Variants in SLC35F3 observed in about 807,000 individuals in gnomAD.
SLC35F3 encodes putative thiamine transporter SLC35F3.
In SLC35F3, 25 loss-of-function variants were observed where a neutral mutation model predicts 49.9. The ratio of observed to expected loss-of-function variants is 0.50; its 90% CI spans 0.37 to 0.70. The LOEUF is 0.70. Among genes scored for constraint, SLC35F3 ranks in the 30% least tolerant of loss-of-function variants. SLC35F3 has a pLI of 0.00. For missense variants in SLC35F3, 525 were observed against 639.8 expected, an observed-to-expected ratio of 0.82 and a Z score of 1.94; for synonymous variants, 275 against 265.4, an observed-to-expected ratio of 1.04 and a Z score of -0.35.
At chr1:233,998,017 G>T (rs888673594) in intron 2 of SLC35F3, among the ~76,000 whole-genome samples, 2 of 152,144 alleles carry the variant, frequency 1.3e-5, no homozygotes, top group Non-Finnish European at 2.9e-5. Flanking sequence ...CTCCCAAAGT[G>T]CTGGGATTAT....
chr1:234,218,290 C>T (rs1170350787), intron 2 of SLC35F3, among the ~76,000 whole-genome samples: 1 of 152,064 alleles, frequency 6.6e-6, no homozygotes, highest in Non-Finnish European at 1.5e-5. Context: ...CAATGAATTC[C>T]CCCAAGAGGC....
intron 2 of SLC35F3, among the ~76,000 whole-genome samples, chr1:234,140,002 A>AATAAAATAAAATAAAAAAATAAAATAAT: frequency 1.9e-5 from 2 of 105,368 alleles, no homozygotes; most frequent in Non-Finnish European, 4.7e-5. Flanking sequence ...AATAAAATAA[A>AATAAAATAAAATAAAAAAATAAAATAAT]GTAAGTGACT....
intron 2 of SLC35F3, among the ~76,000 whole-genome samples, chr1:234,135,908 G>A (rs1185555518): frequency 6.6e-6 from 1 of 152,224 alleles, no homozygotes; most frequent in East Asian, 1.9e-4. Flanking sequence ...GCCTTTTTAA[G>A]GAGGGCAGTC....
At chr1:234,090,355 T>G (rs1665024254) in intron 2 of SLC35F3, among the ~76,000 whole-genome samples, 1 of 152,276 alleles carries the variant, frequency 6.6e-6, no homozygotes, top group Admixed American at 6.5e-5. Flanking sequence ...TGTCACAGAT[T>G]GTTACGGACC....
At chr1:234,084,977 T>C (rs571073871) in intron 2 of SLC35F3, among the ~76,000 whole-genome samples, 1 of 152,346 alleles carries the variant, frequency 6.6e-6, no homozygotes, top group South Asian at 2.1e-4. Flanking sequence ...AGTACTGATG[T>C]GTGCTTTAAC....
At chr1:234,229,359 C>T (rs962751419) in intron 2 of SLC35F3, among the ~76,000 whole-genome samples, 1 of 152,086 alleles carries the variant, frequency 6.6e-6, no homozygotes, top group Non-Finnish European at 1.5e-5. Context: ...TGTTCATATT[C>T]CTTTGTTTTG....
At chr1:233,975,822 G>A (rs1663070432) in intron 2 of SLC35F3, among the ~76,000 whole-genome samples, 1 of 152,182 alleles carries the variant, frequency 6.6e-6, no homozygotes, top group African/African-American at 2.4e-5. Flanking sequence ...GGCAGGGGTG[G>A]AACTGGACAG....
chr1:234,200,700 A>G (rs1158353739), intron 2 of SLC35F3, among the ~76,000 whole-genome samples: 1 of 152,226 alleles, frequency 6.6e-6, no homozygotes, highest in East Asian at 1.9e-4. Flanking sequence ...AATCTTGTCC[A>G]AAGTTTAAAA....
intron 2 of SLC35F3, among the ~76,000 whole-genome samples, chr1:234,035,868 AGAGTCT>A (rs2102850562): frequency 6.6e-6 from 1 of 152,250 alleles, no homozygotes; most frequent in East Asian, 1.9e-4. Flanking sequence ...TTCTCCTTGA[AGAGTCT>A]GTTTCCACCA....
intron 7 of SLC35F3, among the ~76,000 whole-genome samples, chr1:234,322,273 C>T (rs1380058093): frequency 6.6e-6 from 1 of 151,760 alleles, no homozygotes; most frequent in Non-Finnish European, 1.5e-5. Flanking sequence ...TGAAAATCCA[C>T]ATACAACTTT....
intron 2 of SLC35F3, among the ~76,000 whole-genome samples, chr1:234,154,047 G>A (rs1241557800): frequency 6.6e-6 from 1 of 151,556 alleles, no homozygotes; most frequent in Non-Finnish European, 1.5e-5. Context: ...GGGCAACAGA[G>A]CGAGACTCCG....
chr1:234,168,978 A>G (rs1666358408), intron 2 of SLC35F3, among the ~76,000 whole-genome samples: 1 of 152,188 alleles, frequency 6.6e-6, no homozygotes, highest in South Asian at 2.1e-4. Flanking sequence ...TTTGGAAGCT[A>G]GAGTGCTAGG....
chr1:234,121,734 C>G (rs150548875), intron 2 of SLC35F3, among the ~76,000 whole-genome samples: 1 of 152,108 alleles, frequency 6.6e-6, no homozygotes, highest in Non-Finnish European at 1.5e-5. Context: ...CCCTGACAGG[C>G]CCCGGTGTGT....
At chr1:234,122,263 T>C (rs984026233) in intron 2 of SLC35F3, among the ~76,000 whole-genome samples, 2 of 152,260 alleles carry the variant, frequency 1.3e-5, no homozygotes, top group Admixed American at 1.3e-4. Flanking sequence ...AAAGCATTCA[T>C]GTGTTGTAAT....
chr1:234,231,605 C>A lies in SLC35F3; in HGVS notation c.472C>A (p.Leu158Met), dbSNP rs1339707876. 1.2e-6 allele frequency: 2 copies of A among 1,614,120 alleles called. No homozygotes were observed. Among genetic ancestry groups the A allele is most frequent in the South Asian group, 2.2e-5 (2 of 91,090 alleles). ...SWAGSTQLAK[L>M]TFRKFDAPFT... ...GGCGGGCTCCACGCAGCTCGCCAAG[C>A]TGACCTTCAGGAAGTTCGACGCGCC... Residue 158 changes from leucine (L) to methionine (M), a missense_variant, in exon 3 of 8, where the codon CTG becomes ATG. By Grantham distance (15) the Leu-to-Met change is conservative. Coordinates refer to ENST00000366618, the MANE Select transcript of SLC35F3 (RefSeq NM_173508.4). This position sits in a 1 kb window ranked among gnomAD's most constrained non-coding sequence, Gnocchi z 5.4.
chr1:234,299,300 C>T (rs771517426), intron 3 of SLC35F3, among the ~76,000 whole-genome samples: 2 of 152,156 alleles, frequency 1.3e-5, no homozygotes, highest in Non-Finnish European at 2.9e-5. Flanking sequence ...TTCAAACCCA[C>T]CAACTGGGAG....
intron 2 of SLC35F3, among the ~76,000 whole-genome samples, chr1:234,043,560 C>A (rs1664252758): frequency 2.0e-5 from 3 of 152,046 alleles, no homozygotes; most frequent in Non-Finnish European, 4.4e-5. Context: ...TGTTGTGTTA[C>A]ATGTTATGCA....
chr1:234,269,981 C>G (rs1668072559), intron 3 of SLC35F3, among the ~76,000 whole-genome samples: 1 of 152,160 alleles, frequency 6.6e-6, no homozygotes, highest in African/African-American at 2.4e-5. Context: ...GCTAAACAAA[C>G]CTCTCTTCTT....
At chr1:234,079,270 T>A (rs891021841) in intron 2 of SLC35F3, among the ~76,000 whole-genome samples, 9 of 152,214 alleles carry the variant, frequency 5.9e-5, no homozygotes, top group African/African-American at 2.2e-4. Flanking sequence ...CTATTTTTTT[T>A]ATACGGTGTG....
Sources: allele counts gnomAD v4.1 joint callset (sites outside exome capture counted in the v4.1 genomes callset), GRCh38; gene constraint gnomAD v4.1.1; non-coding constraint Gnocchi (gnomAD v3.1); transcripts MANE v1.5; gene names NCBI Gene and HGNC (gene_info 2026-07-23, HGNC 2026-07-21).